Variants in SLC5A4 observed in about 807,000 individuals in gnomAD.
SLC5A4 encodes the protein probable glucose sensor protein SLC5A4.
Under a neutral mutation model 70.3 loss-of-function variants are expected in SLC5A4, and 55 were observed. That is an observed-to-expected ratio of 0.78 (90% CI 0.63 to 0.98). The LOEUF (loss-of-function observed/expected upper bound fraction) is 0.98, where lower values mean the gene tolerates loss of function less well. Among genes scored for constraint, SLC5A4 ranks in the 50% least tolerant of loss-of-function variants. The pLI is 0.00. For missense variants in SLC5A4, 735 were observed against 839.2 expected, an observed-to-expected ratio of 0.88 and a Z score of 1.53; for synonymous variants, 268 against 305.7, an observed-to-expected ratio of 0.88 and a Z score of 1.29.
At chr22:32,246,454 A>C (rs924021301) in intron 5 of SLC5A4, among the ~76,000 whole-genome samples, 1 of 152,172 alleles carries the variant, frequency 6.6e-6, no homozygotes, top group Non-Finnish European at 1.5e-5. Flanking sequence ...TTTGTTTTTT[A>C]CATGTGCTGC....
At chr22:32,303,008 T>A in the SLC5A4 span, among the ~76,000 whole-genome samples, 22 of 151,848 alleles carry the variant, frequency 1.4e-4, no homozygotes, top group South Asian at 3.3e-3. Context: ...TTCTCTTTTT[T>A]AAAAAAATAA....
the SLC5A4 span, among the ~76,000 whole-genome samples, chr22:32,287,457 C>T: frequency 7.7e-6 from 1 of 129,532 alleles, no homozygotes. Flanking sequence ...TCATTCTCTC[C>T]GTTTAAAAGT....
At chr22:32,259,164 A>C (rs1927628443), upstream of SLC5A4, among the ~76,000 whole-genome samples, 1 of 152,240 alleles carries the variant, frequency 6.6e-6, no homozygotes, top group African/African-American at 2.4e-5. Flanking sequence ...CATTGTACCT[A>C]CAATTAAGTA....
the SLC5A4 span, among the ~76,000 whole-genome samples, chr22:32,316,631 G>A: frequency 1.3e-5 from 2 of 151,962 alleles, no homozygotes; most frequent in African/African-American, 4.8e-5. Context: ...TTGGGTTCAA[G>A]CCATTCTCCT....
At chr22:32,315,159 C>G in the SLC5A4 span, among the ~76,000 whole-genome samples, 5 of 152,156 alleles carry the variant, frequency 3.3e-5, no homozygotes, top group African/African-American at 1.2e-4. Context: ...GAAGAGAAAT[C>G]AGGGGTCAAG....
chr22:32,342,364 G>C, the SLC5A4 span, among the ~76,000 whole-genome samples: 1 of 152,024 alleles, frequency 6.6e-6, no homozygotes, highest in African/African-American at 2.4e-5. Flanking sequence ...GATGGAAGAA[G>C]CAAATCTTGA....
chr22:32,353,465 C>T, the SLC5A4 span, among the ~76,000 whole-genome samples: 1 of 152,052 alleles, frequency 6.6e-6, no homozygotes, highest in African/African-American at 2.4e-5. Flanking sequence ...CCCGCGGAAA[C>T]GCTGTGCATC....
chr22:32,277,432 C>A, the SLC5A4 span, among the ~76,000 whole-genome samples: 2 of 152,146 alleles, frequency 1.3e-5, no homozygotes, highest in Non-Finnish European at 2.9e-5. Context: ...TCTAATATAA[C>A]AAAATTATCC....
chr22:32,337,940 G>A, the SLC5A4 span, among the ~76,000 whole-genome samples: 2 of 152,168 alleles, frequency 1.3e-5, no homozygotes, highest in African/African-American at 4.8e-5. Flanking sequence ...TTAATTGCAT[G>A]TTTATATAAT....
At chr22:32,229,371 T>G in intron 10 of SLC5A4, 27 bp from the exon 11 acceptor site, 1 of 1,609,986 alleles carries the variant, frequency 6.2e-7, no homozygotes, top group East Asian at 2.2e-5. Context: ...GTACAAGCAC[T>G]GGTTAGTGGC....
chr22:32,246,575 T>A (rs571244374), intron 5 of SLC5A4, among the ~76,000 whole-genome samples: 2 of 152,338 alleles, frequency 1.3e-5, no homozygotes, highest in East Asian at 3.8e-4. Context: ...TCTCCCAGAC[T>A]GGAGTGCAGT....
the SLC5A4 span, among the ~76,000 whole-genome samples, chr22:32,346,152 A>G: frequency 1.3e-5 from 2 of 152,212 alleles, no homozygotes; most frequent in African/African-American, 4.8e-5. Context: ...TGCGGCTTAC[A>G]ATACTGAAGA....
chr22:32,239,163 C>T (rs1180852633), intron 5 of SLC5A4, 73 bp from the exon 6 acceptor site: 2 of 1,038,736 alleles, frequency 1.9e-6, no homozygotes, highest in Admixed American at 1.9e-5. Flanking sequence ...CCAATGTCCA[C>T]TCTACTCAAC....
the SLC5A4 span, among the ~76,000 whole-genome samples, chr22:32,306,983 G>T: frequency 4.6e-5 from 7 of 152,196 alleles, no homozygotes; most frequent in African/African-American, 1.7e-4. Context: ...TTTTGATTCT[G>T]TGCTCAGGGA....
At chr22:32,299,473 A>C in the SLC5A4 span, among the ~76,000 whole-genome samples, 6 of 102,756 alleles carry the variant, frequency 5.8e-5, 1 homozygote, top group Middle Eastern at 3.8e-3. Context: ...TGCATTCTTC[A>C]TGTAGTTCTC....
At chr22:32,262,408 G>A in the SLC5A4 span, among the ~76,000 whole-genome samples, 158 of 152,276 alleles carry the variant, frequency 1.0e-3, no homozygotes, top group African/African-American at 3.7e-3. Context: ...GGGGCTCGGA[G>A]GGGCCTCACT....
the SLC5A4 span, among the ~76,000 whole-genome samples, chr22:32,268,853 A>G: frequency 1.3e-5 from 2 of 152,166 alleles, no homozygotes; most frequent in African/African-American, 4.8e-5. Context: ...GAAAATGATA[A>G]TAATTTGGGA....
chr22:32,306,181 A>T, the SLC5A4 span, among the ~76,000 whole-genome samples: 1 of 152,206 alleles, frequency 6.6e-6, no homozygotes, highest in Non-Finnish European at 1.5e-5. Context: ...ATTACTGTAT[A>T]TAGGCCGGGC....
the SLC5A4 span, among the ~76,000 whole-genome samples, chr22:32,284,415 G>A: frequency 6.6e-6 from 1 of 152,162 alleles, no homozygotes; most frequent in East Asian, 1.9e-4. Context: ...TGGTGTATCT[G>A]CTTCACATGG....
Sources: allele counts gnomAD v4.1 joint callset (sites outside exome capture counted in the v4.1 genomes callset), GRCh38; gene constraint gnomAD v4.1.1; transcripts MANE v1.5; gene names NCBI Gene and HGNC (gene_info 2026-07-23, HGNC 2026-07-21).